Variants in CREB3L2 observed in about 807,000 individuals in gnomAD.
CREB3L2 encodes cAMP responsive element binding protein 3 like 2.
In CREB3L2, 23 loss-of-function variants were observed where a neutral mutation model predicts 57.2. The ratio of observed to expected loss-of-function variants is 0.40; its 90% CI spans 0.29 to 0.57. The LOEUF (loss-of-function observed/expected upper bound fraction) is 0.57, where lower values mean the gene tolerates loss of function less well. Among genes scored for constraint, CREB3L2 ranks in the 20% least tolerant of loss-of-function variants. CREB3L2 has a pLI of 0.42. For synonymous variants in CREB3L2, 268 were observed against 265.1 expected (o/e 1.01, Z -0.11); for missense variants, 628 against 634.7 (o/e 0.99, Z 0.11).
At chr7:137,935,057 A>T (rs1800751788) in intron 1 of CREB3L2, among the ~76,000 whole-genome samples, 1 of 152,206 alleles carries the variant, frequency 6.6e-6, no homozygotes, top group African/African-American at 2.4e-5. Context: ...CATTGTGGCA[A>T]TGTAGCTTTG....
chr7:137,943,738 T>A (rs193232616), intron 1 of CREB3L2, among the ~76,000 whole-genome samples: 14 of 152,330 alleles, frequency 9.2e-5, no homozygotes, highest in African/African-American at 3.4e-4. Context: ...GCCATGTTGA[T>A]ATTGTCGATG....
chr7:137,904,838 G>GAAAA (rs58779744), intron 6 of CREB3L2, among the ~76,000 whole-genome samples: 1 of 136,978 alleles, frequency 7.3e-6, no homozygotes, highest in Admixed American at 7.5e-5. Context: ...GACTCTGTAT[G>GAAAA]AAAAAAAAAA....
At chr7:137,945,477 A>G (rs1422887065) in intron 1 of CREB3L2, among the ~76,000 whole-genome samples, 1 of 152,246 alleles carries the variant, frequency 6.6e-6, no homozygotes, top group Non-Finnish European at 1.5e-5. Context: ...GACTAGAGAC[A>G]ATATTTTCTG....
rs1302182845 is a variant in CREB3L2 at position 138,001,137 on chromosome 7, T to A, written c.102+467A>T. Among the ~76,000 whole-genome samples the A allele has an allele frequency of 1.4e-5, 2 of 142,028 alleles. No individual in the cohort carries two copies. The highest frequency in any genetic ancestry group is 2.6e-5 in the African/African-American group (1 of 38,936). The allele number at this position is 142,028 out of a possible 152,430, so 93.2% of individuals were successfully genotyped here. A position where few individuals can be genotyped will look rare whatever the true frequency, so the allele number is the denominator to read the frequency against. ...CACACACACACACACGTGTACTTTT[T>A]AAAATATAAATATGAAAGAAGAGGA... is the stretch of plus-strand genomic sequence containing the variant. On this transcript the variant is annotated intron_variant, in intron 1 of 11. Coordinates refer to ENST00000330387, the MANE Select transcript of CREB3L2 (RefSeq NM_194071.4). This position sits in a 1 kb window ranked among gnomAD's most constrained non-coding sequence, Gnocchi z 4.2.
At chr7:137,977,081 C>G (rs569567328) in intron 1 of CREB3L2, among the ~76,000 whole-genome samples, 1 of 152,258 alleles carries the variant, frequency 6.6e-6, no homozygotes, top group South Asian at 2.1e-4. Context: ...ACAGACACCC[C>G]CTGAGCTTCC....
At chr7:137,884,597 A>T in intron 10 of CREB3L2, 1 of 460,812 alleles carries the variant, frequency 2.2e-6, no homozygotes, top group Non-Finnish European at 3.9e-6. Context: ...TACTATATAC[A>T]TTGCATTACA....
intron 1 of CREB3L2, 46 bp from the exon 2 acceptor site, chr7:137,928,412 T>G (rs1395782658): frequency 2.0e-5 from 30 of 1,471,280 alleles, no homozygotes; most frequent in Non-Finnish European, 2.8e-5. Flanking sequence ...TTAACCATAA[T>G]GTGACAGATA....
intron 1 of CREB3L2, among the ~76,000 whole-genome samples, chr7:137,972,708 A>AAACAAAACAAAACAAAC (rs1801532448): frequency 2.3e-5 from 1 of 42,860 alleles, no homozygotes; most frequent in African/African-American, 1.2e-4. Context: ...AAAAAAAAAA[A>AAACAAAACAAAACAAAC]AAAAATATAT....
chr7:137,928,112 G>A (rs202024504), intron 2 of CREB3L2, 38 bp downstream of exon 2: 12 of 1,492,018 alleles, frequency 8.0e-6, no homozygotes, highest in Non-Finnish European at 7.3e-6. Context: ...AGAACCAAAG[G>A]CGCTAAGGTC....
At chr7:137,990,181 C>T (rs1301548626) in intron 1 of CREB3L2, among the ~76,000 whole-genome samples, 2 of 152,218 alleles carry the variant, frequency 1.3e-5, no homozygotes, top group African/African-American at 2.4e-5. Flanking sequence ...GAGCACCCTA[C>T]TCTCAAACTA....
intron 1 of CREB3L2, among the ~76,000 whole-genome samples, chr7:137,929,211 C>T (rs1460781663): frequency 1.3e-5 from 2 of 152,144 alleles, no homozygotes; most frequent in East Asian, 1.9e-4. Flanking sequence ...ATAAATTCCC[C>T]GGGATTCCCA....
chr7:137,881,579 A>T (rs557164244), intron 11 of CREB3L2, among the ~76,000 whole-genome samples: 9 of 152,368 alleles, frequency 5.9e-5, no homozygotes, highest in African/African-American at 2.2e-4. Context: ...GTACTTCATT[A>T]TAAACCTTCC....
chr7:137,948,900 G>C (rs567173149), intron 1 of CREB3L2, among the ~76,000 whole-genome samples: 1 of 152,282 alleles, frequency 6.6e-6, no homozygotes, highest in South Asian at 2.1e-4. Context: ...AAACCAGCAG[G>C]ATCATCAGTT....
At chr7:137,956,994 A>G (rs1437067729) in intron 1 of CREB3L2, among the ~76,000 whole-genome samples, 1 of 152,090 alleles carries the variant, frequency 6.6e-6, no homozygotes, top group Non-Finnish European at 1.5e-5. Flanking sequence ...ATTTAATCCA[A>G]TGCCCCCCAC....
intron 4 of CREB3L2, among the ~76,000 whole-genome samples, chr7:137,910,450 G>A (rs1799981820): frequency 6.6e-6 from 1 of 152,080 alleles, no homozygotes; most frequent in Non-Finnish European, 1.5e-5. Context: ...CACAGGTGCA[G>A]GCAGCCCAGG....
intron 1 of CREB3L2, among the ~76,000 whole-genome samples, chr7:137,951,314 T>C (rs980520236): frequency 6.6e-6 from 1 of 152,236 alleles, no homozygotes; most frequent in African/African-American, 2.4e-5. Flanking sequence ...TGTTCAGGTA[T>C]GGGTGATAGC....
chr7:137,912,896 G>A lies in CREB3L2; in HGVS notation c.583+95C>T, dbSNP rs1585618205. ...CATAAAGCCAGCTACAACATCTGTGGTACAAACTCATCCCAGCTCTCTCGC... is the reference window on the plus strand; with the variant it reads ...CATAAAGCCAGCTACAACATCTGTGATACAAACTCATCCCAGCTCTCTCGC... On this transcript the variant is annotated intron_variant, in intron 4 of 11. Coordinates refer to ENST00000330387, the MANE Select transcript of CREB3L2 (RefSeq NM_194071.4). 5 of 1,565,224 alleles carry A rather than the reference G, an allele frequency of 3.2e-6. No homozygotes were observed. The East Asian group carries it at 7.0e-5, about 22-fold the overall frequency.
At position 137,946,928 on chromosome 7, in the gene CREB3L2, A is replaced by C. The variant is rs868096749; in HGVS notation, c.103-18562T>G. ...TATATATAGTTATATATATAGTTATATATATAGTTATATATATAGTTATAT... is the reference window on the plus strand; with the variant it reads ...TATATATAGTTATATATATAGTTATCTATATAGTTATATATATAGTTATAT... On this transcript the variant is annotated intron_variant, in intron 1 of 11. Coordinates refer to ENST00000330387, the MANE Select transcript of CREB3L2 (RefSeq NM_194071.4). 1.2e-3 allele frequency among the ~76,000 whole-genome samples: 130 copies of C among 106,706 alleles called. 30 individuals are homozygous for C. The highest frequency in any genetic ancestry group is 2.0e-3 in the Non-Finnish European group (115 of 58,872). 70.0% of individuals were successfully genotyped at this position (106,706 alleles called of 152,430 possible). A position where few individuals can be genotyped will look rare whatever the true frequency, so the allele number is the denominator to read the frequency against.
At chr7:137,918,806 A>C (rs1175106678) in intron 2 of CREB3L2, among the ~76,000 whole-genome samples, 1 of 152,212 alleles carries the variant, frequency 6.6e-6, no homozygotes, top group Admixed American at 6.5e-5. Context: ...AGTTATTCCA[A>C]TCTAGTGAGG....
Sources: gnomAD v4.1 joint callset for allele counts (sites outside exome capture counted in the v4.1 genomes callset) on GRCh38, gnomAD v4.1.1 for gene constraint, Gnocchi (gnomAD v3.1) non-coding constraint, MANE v1.5 for transcripts, NCBI Gene and HGNC (gene_info 2026-07-23, HGNC 2026-07-21) for gene names.